AFF1: variants seen among roughly 807,000 people sequenced by gnomAD.
AFF1 encodes the protein AF4/FMR2 family member 1.
A neutral mutation model predicts 121.7 loss-of-function variants in AFF1; 48 were observed. That is an observed-to-expected ratio of 0.39 (90% CI 0.31 to 0.50). The LOEUF is 0.50. Among genes scored for constraint, AFF1 ranks in the 20% least tolerant of loss-of-function variants. The probability of loss-of-function intolerance (pLI) is 0.76; values close to 1 mark genes in which losing one functional copy is unlikely to be tolerated. For missense variants in AFF1, 1,523 were observed against 1,511.7 expected, an observed-to-expected ratio of 1.01 and a Z score of -0.12; for synonymous variants, 613 against 563.0, an observed-to-expected ratio of 1.09 and a Z score of -1.26.
intron 2 of AFF1, among the ~76,000 whole-genome samples, chr4:87,015,903 G>A (rs1178688279): frequency 6.6e-6 from 1 of 152,264 alleles, no homozygotes; most frequent in South Asian, 2.1e-4. Flanking sequence ...TGAAGAAGTC[G>A]GGCGTGGTCG....
At chr4:86,966,065 C>CTTTT (rs568285746) in intron 2 of AFF1, among the ~76,000 whole-genome samples, 1 of 138,954 alleles carries the variant, frequency 7.2e-6, no homozygotes, top group African/African-American at 2.6e-5. Context: ...TTTTTCTTTC[C>CTTTT]TTTTTTTTTT....
chr4:87,029,206 A>G (rs1321314654), intron 2 of AFF1, among the ~76,000 whole-genome samples: 1 of 152,148 alleles, frequency 6.6e-6, no homozygotes, highest in Non-Finnish European at 1.5e-5. Context: ...ACTTTATTGT[A>G]AGAGAATAGT....
intron 4 of AFF1, among the ~76,000 whole-genome samples, chr4:87,063,193 C>T (rs1283163228): frequency 7.6e-6 from 1 of 131,044 alleles, no homozygotes; most frequent in East Asian, 2.5e-4. Flanking sequence ...GTTATTTTAA[C>T]GTTGTCTAAA....
At chr4:86,943,880 T>C (rs1204946145) in intron 1 of AFF1, among the ~76,000 whole-genome samples, 1 of 151,980 alleles carries the variant, frequency 6.6e-6, no homozygotes, top group African/African-American at 2.4e-5. Flanking sequence ...GAGAATCGCT[T>C]GAACCCTGAA....
At chr4:87,075,322 A>G (rs1406272049) in intron 4 of AFF1, among the ~76,000 whole-genome samples, 3 of 152,164 alleles carry the variant, frequency 2.0e-5, no homozygotes. Context: ...TAAATTTAAA[A>G]AAATCAAATA....
Position 86,966,017 on chromosome 4 carries a change from G to A in AFF1, c.38+17446G>A, listed in dbSNP as rs552607112. Among the ~76,000 whole-genome samples the A allele has an allele frequency of 4.0e-5, 6 of 149,466 alleles. No individual in the cohort carries two copies. The South Asian group carries it at 1.3e-3, about 32-fold the overall frequency. ...GAATGAATGTGGTTTTTGGTGTGCTGTATTCTCCCCTCTTCCCCAGGGTGG... is the reference window on the plus strand; with the variant it reads ...GAATGAATGTGGTTTTTGGTGTGCTATATTCTCCCCTCTTCCCCAGGGTGG... On this transcript the variant is annotated intron_variant, in intron 2 of 20. Transcript: ENST00000395146.
At chr4:86,984,248 G>C (rs1287708025) in intron 2 of AFF1, among the ~76,000 whole-genome samples, 3 of 150,532 alleles carry the variant, frequency 2.0e-5, no homozygotes, top group African/African-American at 7.3e-5. Flanking sequence ...TTTCATAGTC[G>C]TTTCTATGGT....
chr4:87,124,941 T>A, intron 12 of AFF1, 96 bp from the exon 13 acceptor site: 1 of 1,005,436 alleles, frequency 9.9e-7, no homozygotes, highest in South Asian at 2.0e-5. Flanking sequence ...TCTCCAAAGG[T>A]TCCTTTACCC....
chr4:87,123,666 C>T lies in AFF1; in HGVS notation c.2467-1371C>T, dbSNP rs1727940134. 2.0e-5 allele frequency among the ~76,000 whole-genome samples: 3 copies of T among 152,094 alleles called. No homozygotes were observed. The South Asian group carries it at 6.2e-4, about 32-fold the overall frequency. On this transcript the variant is annotated intron_variant, in intron 12 of 20. Transcript: ENST00000395146. ...GCAGGCACACTGATTTGTAGGATGC[C>T]AGGAGAAGGGAATTTTGTTTTTTTT...
chr4:87,110,638 A>T (rs926603087), intron 11 of AFF1, among the ~76,000 whole-genome samples: 25 of 151,536 alleles, frequency 1.6e-4, no homozygotes, highest in Admixed American at 2.0e-4. Context: ...TGCTCTTTTT[A>T]AAAAAAAATT....
intron 12 of AFF1, among the ~76,000 whole-genome samples, chr4:87,118,641 C>T (rs1727361649): frequency 6.6e-6 from 1 of 152,030 alleles, no homozygotes. Flanking sequence ...AGGCACATGC[C>T]ACTGTACCCA....
intron 2 of AFF1, among the ~76,000 whole-genome samples, chr4:86,966,619 G>A (rs1432483002): frequency 1.3e-5 from 2 of 151,868 alleles, no homozygotes; most frequent in African/African-American, 4.8e-5. Context: ...GTATTACTAG[G>A]CTAATGGGCA....
At chr4:87,076,630 A>C (rs931083779) in intron 4 of AFF1, among the ~76,000 whole-genome samples, 12 of 152,174 alleles carry the variant, frequency 7.9e-5, no homozygotes, top group African/African-American at 2.9e-4. Flanking sequence ...TCACCCCTCC[A>C]TCCATATTAA....
intron 2 of AFF1, among the ~76,000 whole-genome samples, chr4:87,004,136 T>C (rs1485177127): frequency 6.6e-6 from 1 of 152,208 alleles, no homozygotes; most frequent in African/African-American, 2.4e-5. Flanking sequence ...GTTTTTAACA[T>C]ATGCCCCAGG....
At chr4:87,120,062 A>C (rs1464192597) in intron 12 of AFF1, among the ~76,000 whole-genome samples, 1 of 152,186 alleles carries the variant, frequency 6.6e-6, no homozygotes, top group Non-Finnish European at 1.5e-5. Context: ...CGTGCCTGTT[A>C]GTTACCCTGA....
At chr4:87,029,256 A>G (rs944873869) in intron 2 of AFF1, among the ~76,000 whole-genome samples, 2 of 152,206 alleles carry the variant, frequency 1.3e-5, no homozygotes, top group East Asian at 1.9e-4. Flanking sequence ...AGGGGAAACA[A>G]GGTCTCCCTG....
intron 2 of AFF1, among the ~76,000 whole-genome samples, chr4:86,982,388 C>CTT (rs70953632): frequency 0.016 from 919 of 58,588 alleles, 43 homozygotes; most frequent in Non-Finnish European, 0.018. Flanking sequence ...AAAAAATTGG[C>CTT]TTTTTTTTTT....
At chr4:86,949,521 AATTATT>A (rs527785303) in intron 2 of AFF1, 5 of 236,576 alleles carry the variant, frequency 2.1e-5, no homozygotes, top group East Asian at 1.6e-4. Context: ...TCTATTTATT[AATTATT>A]ATTATTATTA....
At chr4:86,986,894 G>T (rs145472386) in intron 2 of AFF1, among the ~76,000 whole-genome samples, 1 of 152,226 alleles carries the variant, frequency 6.6e-6, no homozygotes, top group East Asian at 1.9e-4. Flanking sequence ...GAGGGTCTCT[G>T]TTGCCCAGGC....
Sources: gnomAD v4.1 joint callset for allele counts (sites outside exome capture counted in the v4.1 genomes callset) on GRCh38, gnomAD v4.1.1 for gene constraint, MANE v1.5 for transcripts, NCBI Gene and HGNC (gene_info 2026-07-23, HGNC 2026-07-21) for gene names.